The following SAMSN1 variants were observed in gnomAD, a reference collection of about 807,000 sequenced individuals.
SAMSN1 encodes the protein SAM domain, SH3 domain and nuclear localization signals 1, also known as SAM domain-containing protein SAMSN-1.
SAMSN1 carries 31 observed loss-of-function variants against 42.0 expected under a neutral mutation model. The observed-to-expected ratio is 0.74, with a 90% CI of 0.55 to 1.00. The LOEUF (loss-of-function observed/expected upper bound fraction) is 1.00, where lower values mean the gene tolerates loss of function less well. Ranked by LOEUF, SAMSN1 falls within the 50% of genes least tolerant of loss-of-function variation. The probability of loss-of-function intolerance (pLI) is 0.00; values close to 1 mark genes in which losing one functional copy is unlikely to be tolerated. For missense variants in SAMSN1, 464 were observed against 439.4 expected (o/e 1.06, Z -0.50); for synonymous variants, 178 against 151.9 (o/e 1.17, Z -1.26).
intron 7 of SAMSN1, 149 bp downstream of exon 7, chr21:14,498,293 G>T: frequency 1.5e-6 from 1 of 645,870 alleles, no homozygotes; most frequent in Non-Finnish European, 2.5e-6. Flanking sequence ...CAGAGTTATT[G>T]TTTTCAAACT....
At chr21:14,589,597 G>A (rs1011048888) in intron 7 of SAMSN1, among the ~76,000 whole-genome samples, 2 of 151,934 alleles carry the variant, frequency 1.3e-5, no homozygotes, top group Non-Finnish European at 2.9e-5. Flanking sequence ...TTGCTGGAAA[G>A]GCATTTAAAG....
intron 6 of SAMSN1, 22 bp downstream of exon 6, chr21:14,500,507 A>G (rs766140478): frequency 2.5e-6 from 4 of 1,607,908 alleles, no homozygotes; most frequent in Non-Finnish European, 2.6e-6. Context: ...TCCAAAAGCA[A>G]ACAGAACACA....
intron 2 of SAMSN1, among the ~76,000 whole-genome samples, chr21:14,635,182 G>C (rs905565955): frequency 7.2e-5 from 11 of 152,126 alleles, no homozygotes; most frequent in African/African-American, 2.7e-4. Context: ...GGACTGTTAG[G>C]GGGCAATGAC....
At chr21:14,614,043 G>A (rs1982772821) in intron 3 of SAMSN1, among the ~76,000 whole-genome samples, 1 of 152,086 alleles carries the variant, frequency 6.6e-6, no homozygotes, top group Non-Finnish European at 1.5e-5. Flanking sequence ...ACTGAATCCA[G>A]CTGAGCTTTT....
chr21:14,496,750 A>T (rs1986929386), intron 7 of SAMSN1, among the ~76,000 whole-genome samples: 1 of 152,176 alleles, frequency 6.6e-6, no homozygotes, highest in Non-Finnish European at 1.5e-5. Context: ...TGCATCTCCC[A>T]GCCTCACAAC....
intron 2 of SAMSN1, among the ~76,000 whole-genome samples, chr21:14,621,245 G>A (rs1255252829): frequency 3.9e-5 from 6 of 152,192 alleles, no homozygotes; most frequent in Admixed American, 6.5e-5. Flanking sequence ...CACAGAAGAC[G>A]GGTGATTTCT....
chr21:14,569,389 A>T (rs1981220605), intron 2 of SAMSN1, among the ~76,000 whole-genome samples: 1 of 152,118 alleles, frequency 6.6e-6, no homozygotes, highest in Non-Finnish European at 1.5e-5. Flanking sequence ...ATTTTGGCCG[A>T]CTGCTGTTTT....
rs138002218 is a variant in SAMSN1 at position 14,621,132 on chromosome 21, T to C, written c.157-5116A>G. ...TTTATTTTTAAAATTCCAGTAGACA[T>C]GTAGCAAAGAGGATGATTATGAAAC... On this transcript the variant is annotated intron_variant, in intron 2 of 15. Coordinates refer to the SAMSN1 transcript ENST00000647101. Among the ~76,000 whole-genome samples the C allele has an allele frequency of 2.0e-5, 3 of 152,314 alleles. No individual in the cohort carries two copies. In the East Asian group the frequency reaches 5.8e-4, roughly 29 times the overall value.
intron 2 of SAMSN1, among the ~76,000 whole-genome samples, chr21:14,636,784 A>G (rs1983478591): frequency 1.3e-5 from 2 of 151,958 alleles, no homozygotes; most frequent in Admixed American, 1.3e-4. Context: ...GAATTGCTTG[A>G]ACCCTGGGGG....
Position 14,512,549 on chromosome 21 carries a change from G to C in SAMSN1, c.304C>G (p.His102Asp). Reference protein sequence around the residue: ...EKDEEDGENAHPYRNSDPVIG... With the variant: ...EKDEEDGENADPYRNSDPVIG... ...ACAGGGTCACTGTTTCTATATGGGT[G>C]GGCATTCTCTCCATCTTCCTCATCC... is the stretch of plus-strand genomic sequence containing the variant. The change falls in exon 4 of 8, where the codon CAC (histidine) becomes GAC (aspartate). Residue 102 changes from histidine to aspartate, a missense_variant. His to Asp is a moderately conservative substitution (Grantham distance 81, BLOSUM62 -1). Coordinates refer to ENST00000400566, the MANE Select transcript of SAMSN1 (RefSeq NM_022136.5). 1 of 1,613,876 alleles carries C rather than the reference G, an allele frequency of 6.2e-7. No homozygotes were observed. Among genetic ancestry groups the C allele is most frequent in the Non-Finnish European group, 8.5e-7 (1 of 1,179,796 alleles).
At chr21:14,551,221 T>G (rs1980584894), upstream of SAMSN1, among the ~76,000 whole-genome samples, 4 of 152,112 alleles carry the variant, frequency 2.6e-5, no homozygotes, top group South Asian at 6.2e-4. Flanking sequence ...AATTACTGCT[T>G]ATTTTAAATT....
rs190110624 is a variant in SAMSN1, at chr21:14,658,122, A to G, written c.24+626T>C. 9.2e-5 allele frequency among the ~76,000 whole-genome samples: 14 copies of G among 151,970 alleles called. No individual in the cohort carries two copies. The East Asian group carries it at 2.7e-3, about 29-fold the overall frequency. On this transcript the variant is annotated intron_variant, in intron 1 of 15. Transcript: ENST00000647101. ...GTCACAATTGCAGGTTAGAGTTATA[A>G]AGTATTTTCAGATCCATGACTACCT... is the stretch of plus-strand genomic sequence containing the variant.
chr21:14,552,104 G>A (rs6516876), intron 2 of SAMSN1, among the ~76,000 whole-genome samples: 77,796 of 151,822 alleles, frequency 0.51, 20,341 homozygotes, highest in East Asian at 0.78. Context: ...CCAATCCAGA[G>A]CTCTTTTCTA....
intron 2 of SAMSN1, among the ~76,000 whole-genome samples, chr21:14,554,260 CTG>C (rs1335766578): frequency 1.3e-5 from 2 of 152,108 alleles, no homozygotes; most frequent in Non-Finnish European, 2.9e-5. Flanking sequence ...AATCCTGACT[CTG>C]TCATTTACCT....
At chr21:14,488,868 G>T (rs1241909052) in intron 7 of SAMSN1, among the ~76,000 whole-genome samples, 2 of 152,152 alleles carry the variant, frequency 1.3e-5, no homozygotes, top group Non-Finnish European at 2.9e-5. Context: ...ATAATTTCAG[G>T]CAGGTGATCA....
intron 4 of SAMSN1, among the ~76,000 whole-genome samples, chr21:14,511,877 G>A (rs1244917616): frequency 2.6e-5 from 4 of 152,076 alleles, no homozygotes; most frequent in Non-Finnish European, 5.9e-5. Flanking sequence ...TTTATTATTT[G>A]CATATTGCTT....
At chr21:14,603,262 C>T (rs768923553) in intron 5 of SAMSN1, among the ~76,000 whole-genome samples, 8 of 152,154 alleles carry the variant, frequency 5.3e-5, no homozygotes, top group Non-Finnish European at 1.0e-4. Flanking sequence ...CTTCTATAAG[C>T]ATTCTTCTAG....
At chr21:14,636,409 CT>C (rs1983468318) in intron 2 of SAMSN1, among the ~76,000 whole-genome samples, 1 of 152,216 alleles carries the variant, frequency 6.6e-6, no homozygotes, top group African/African-American at 2.4e-5. Flanking sequence ...ACCGCACACA[CT>C]TGTGGCAGAG....
intron 6 of SAMSN1, among the ~76,000 whole-genome samples, chr21:14,599,496 A>G (rs1301372333): frequency 6.6e-6 from 1 of 152,162 alleles, no homozygotes; most frequent in Non-Finnish European, 1.5e-5. Flanking sequence ...TAAATTACTT[A>G]GCCTCGGGTA....
Sources: gnomAD v4.1 joint callset for allele counts (sites outside exome capture counted in the v4.1 genomes callset) on GRCh38, gnomAD v4.1.1 for gene constraint, MANE v1.5 for transcripts, NCBI Gene and HGNC (gene_info 2026-07-23, HGNC 2026-07-21) for gene names.